CTNNA3: variants seen among roughly 807,000 people sequenced by gnomAD.
CTNNA3 encodes catenin alpha-3.
A neutral mutation model predicts 95.7 loss-of-function variants in CTNNA3; 76 were observed. That is an observed-to-expected ratio of 0.79 (90% CI 0.66 to 0.96). The LOEUF (loss-of-function observed/expected upper bound fraction) is 0.96, where lower values mean the gene tolerates loss of function less well. Ranked by LOEUF, CTNNA3 falls within the 40% of genes least tolerant of loss-of-function variation. The pLI is 0.00. For missense variants in CTNNA3, 1,191 were observed against 1,089.8 expected (o/e 1.09, Z -1.31); for synonymous variants, 431 against 374.4 (o/e 1.15, Z -1.74).
intron 9 of CTNNA3, among the ~76,000 whole-genome samples, chr10:66,714,180 T>G (rs1848382506): frequency 6.6e-6 from 1 of 152,142 alleles, no homozygotes; most frequent in East Asian, 1.9e-4. Context: ...CCTCAAACTT[T>G]TCCTAATGGA....
intron 10 of CTNNA3, among the ~76,000 whole-genome samples, chr10:66,537,920 T>C (rs1029328502): frequency 1.8e-4 from 27 of 152,146 alleles, no homozygotes; most frequent in Non-Finnish European, 3.2e-4. Context: ...ACTTTTACTA[T>C]ATTGAAAGGA....
intron 13 of CTNNA3, among the ~76,000 whole-genome samples, chr10:66,107,864 G>T (rs2133765118): frequency 6.6e-6 from 1 of 152,166 alleles, no homozygotes; most frequent in Admixed American, 6.5e-5. Flanking sequence ...TAAAAATACT[G>T]TGGAAAACAA....
chr10:67,406,363 C>A (rs1845138406), intron 5 of CTNNA3, among the ~76,000 whole-genome samples: 1 of 151,948 alleles, frequency 6.6e-6, no homozygotes, highest in African/African-American at 2.4e-5. Context: ...AGGCAGAAAT[C>A]TTGAAATTAA....
At chr10:66,983,846 A>G (rs1201572913) in intron 7 of CTNNA3, among the ~76,000 whole-genome samples, 1 of 152,256 alleles carries the variant, frequency 6.6e-6, no homozygotes. Context: ...TTGAAAAATA[A>G]TTAATGTTAA....
intron 13 of CTNNA3, among the ~76,000 whole-genome samples, chr10:66,278,169 T>C (rs2091430474): frequency 7.2e-6 from 1 of 139,804 alleles, no homozygotes; most frequent in African/African-American, 2.7e-5. Flanking sequence ...AAATAAAGGA[T>C]GCATACATAG....
At chr10:66,497,153 T>C (rs908824379) in intron 11 of CTNNA3, among the ~76,000 whole-genome samples, 2 of 152,094 alleles carry the variant, frequency 1.3e-5, no homozygotes, top group African/African-American at 4.8e-5. Context: ...TGTCAATATA[T>C]AAATTTGGGT....
At chr10:67,007,136 T>C (rs1426481653) in intron 7 of CTNNA3, among the ~76,000 whole-genome samples, 1 of 152,176 alleles carries the variant, frequency 6.6e-6, no homozygotes, top group East Asian at 1.9e-4. Flanking sequence ...GGTTCTTCAC[T>C]GTAGGTTCAA....
intron 13 of CTNNA3, among the ~76,000 whole-genome samples, chr10:66,199,995 C>T (rs2087289044): frequency 6.7e-6 from 1 of 149,824 alleles, no homozygotes; most frequent in African/African-American, 2.5e-5. Flanking sequence ...ATCAAATGAA[C>T]AGGAAGTAGC....
At chr10:67,599,458 A>T (rs1037141045) in intron 3 of CTNNA3, among the ~76,000 whole-genome samples, 3 of 152,192 alleles carry the variant, frequency 2.0e-5, no homozygotes, top group Non-Finnish European at 2.9e-5. Flanking sequence ...AAAGGGTGTA[A>T]TGCAACTATC....
At chr10:65,999,774 G>A (rs2078734233) in intron 15 of CTNNA3, among the ~76,000 whole-genome samples, 1 of 152,072 alleles carries the variant, frequency 6.6e-6, no homozygotes, top group Admixed American at 6.6e-5. Context: ...TTCCATAATG[G>A]GTTCTTGGGA....
chr10:67,700,841 A>G (rs1382825045), upstream of CTNNA3, among the ~76,000 whole-genome samples: 1 of 152,238 alleles, frequency 6.6e-6, no homozygotes, highest in African/African-American at 2.4e-5. Flanking sequence ...CTACAGGAGG[A>G]AATTCAAACC....
chr10:67,525,348 T>G (rs955661088), intron 4 of CTNNA3, among the ~76,000 whole-genome samples: 3 of 152,112 alleles, frequency 2.0e-5, no homozygotes, highest in Admixed American at 6.6e-5. Context: ...ATCAAATTAT[T>G]TCTGCTCAGA....
chr10:66,695,717 C>A (rs1847733249), intron 9 of CTNNA3, among the ~76,000 whole-genome samples: 1 of 152,040 alleles, frequency 6.6e-6, no homozygotes, highest in African/African-American at 2.4e-5. Context: ...AAAAATATTT[C>A]TTTAATATTG....
At chr10:65,981,777 G>A (rs1019022264) in intron 16 of CTNNA3, among the ~76,000 whole-genome samples, 8 of 151,912 alleles carry the variant, frequency 5.3e-5, no homozygotes, top group African/African-American at 1.4e-4. Flanking sequence ...ATGGTGCTGG[G>A]ATAATTGGCT....
chr10:67,703,376 A>G (rs1290830685), intron 1 of CTNNA3, among the ~76,000 whole-genome samples: 2 of 152,186 alleles, frequency 1.3e-5, no homozygotes, highest in Admixed American at 6.5e-5. Context: ...AAAATCCTCA[A>G]TAAAATACTG....
intron 13 of CTNNA3, among the ~76,000 whole-genome samples, chr10:66,120,695 TTTG>T (rs2082539597): frequency 6.6e-6 from 1 of 152,188 alleles, no homozygotes; most frequent in South Asian, 2.1e-4. Flanking sequence ...TCACTCACAT[TTTG>T]TTTTGTTAGA....
rs556601348 is a variant in CTNNA3, at chr10:66,401,662, T to C, written c.1532-22310A>G. ...ATTAAATTATTCCATTTCTTTCTTT[T>C]TTTTTTTTTTTTTTGAGATGGAGTC... On this transcript the variant is annotated intron_variant, in intron 11 of 17. Transcript: ENST00000433211. 1.9e-4 allele frequency among the ~76,000 whole-genome samples: 28 copies of C among 148,064 alleles called. No homozygotes were observed. In the East Asian group the frequency reaches 3.5e-3, roughly 19 times the overall value.
rs1304936230 is a variant in CTNNA3 at position 67,097,791 on chromosome 10, G to A, written c.1047+82526C>T. 2 of 1,611,928 alleles carry A rather than the reference G, an allele frequency of 1.2e-6. No homozygotes were observed. Among genetic ancestry groups the A allele is most frequent in the Admixed American group, 3.3e-5 (2 of 59,728 alleles). On this transcript the variant is annotated intron_variant, in intron 7 of 17. Transcript: ENST00000433211. ...AATCAGTGACCATAAACAGCAGCTAGCTTAACTGAGATCATTGGTAGCCAG... is the reference window on the plus strand; with the variant it reads ...AATCAGTGACCATAAACAGCAGCTAACTTAACTGAGATCATTGGTAGCCAG...
At chr10:66,655,558 C>A (rs761705318) in intron 9 of CTNNA3, among the ~76,000 whole-genome samples, 12 of 152,022 alleles carry the variant, frequency 7.9e-5, no homozygotes, top group Non-Finnish European at 1.2e-4. Context: ...GTATAATGGG[C>A]AGAAAGGAAG....
Sources: gnomAD v4.1 joint callset for allele counts (sites outside exome capture counted in the v4.1 genomes callset) on GRCh38, gnomAD v4.1.1 for gene constraint, MANE v1.5 for transcripts, NCBI Gene and HGNC (gene_info 2026-07-23, HGNC 2026-07-21) for gene names.